The following KLHDC4 variants were observed in gnomAD, a reference collection of about 807,000 sequenced individuals.
KLHDC4 encodes the protein kelch domain containing 4, also known as kelch domain-containing protein 4.
In KLHDC4, 90 loss-of-function variants were observed where a neutral mutation model predicts 62.4. That is an observed-to-expected ratio of 1.44 (90% CI 1.22 to 1.72). The LOEUF (loss-of-function observed/expected upper bound fraction) is 1.72, where lower values mean the gene tolerates loss of function less well. KLHDC4 is among the 40% of genes most tolerant of loss of function. The probability of loss-of-function intolerance (pLI) is 0.00; values close to 1 mark genes in which losing one functional copy is unlikely to be tolerated. For missense variants in KLHDC4, 1,025 were observed against 699.7 expected (o/e 1.47, Z -5.25); for synonymous variants, 386 against 284.4 (o/e 1.36, Z -3.59).
At chr16:87,750,589 A>G (rs539247473) in intron 4 of KLHDC4, among the ~76,000 whole-genome samples, 19 of 152,334 alleles carry the variant, frequency 1.2e-4, no homozygotes, top group African/African-American at 4.1e-4. Context: ...CACAGGGCGC[A>G]GAGAGGGCTG....
intron 10 of KLHDC4, 122 bp from the exon 11 acceptor site, chr16:87,708,588 C>T (rs557227088): frequency 5.2e-4 from 285 of 552,936 alleles, no homozygotes; most frequent in Middle Eastern, 2.0e-3. Context: ...TAATGTGAAA[C>T]CTAACTCCTC....
At chr16:87,702,313 C>G (rs1175879437) in exon 1 of KLHDC4, 1 of 456,204 alleles carries the variant, frequency 2.2e-6, no homozygotes, top group East Asian at 6.9e-5. Context: ...CGGGGGCTCC[C>G]AGGCCCTGGG....
At chr16:87,733,919 C>T (rs920531357) in intron 5 of KLHDC4, among the ~76,000 whole-genome samples, 1 of 152,356 alleles carries the variant, frequency 6.6e-6, no homozygotes, top group Admixed American at 6.5e-5. Context: ...GTTACAGCTT[C>T]AATCACGCAA....
chr16:87,755,779 G>A (rs1014498623), intron 3 of KLHDC4: 7 of 165,636 alleles, frequency 4.2e-5, no homozygotes, highest in Non-Finnish European at 7.9e-5. Flanking sequence ...TGGCCAGACT[G>A]CTCTCAAACT....
intron 6 of KLHDC4, among the ~76,000 whole-genome samples, chr16:87,727,459 C>T (rs941769564): frequency 9.2e-5 from 14 of 152,244 alleles, no homozygotes; most frequent in African/African-American, 3.1e-4. Context: ...CCACAGTGGA[C>T]TGGAGGGGTG....
At chr16:87,729,689 G>C (rs555477097) in intron 6 of KLHDC4, among the ~76,000 whole-genome samples, 50 of 152,370 alleles carry the variant, frequency 3.3e-4, no homozygotes, top group African/African-American at 1.2e-3. Context: ...GACATCAAAA[G>C]AGAACCGCAG....
At chr16:87,704,238 T>C (rs565074250), downstream of KLHDC4, among the ~76,000 whole-genome samples, 5 of 147,324 alleles carry the variant, frequency 3.4e-5, no homozygotes, top group African/African-American at 1.3e-4. Flanking sequence ...GAGGCGCCTG[T>C]GGAGAGCCCT....
At chr16:87,702,364 C>T (rs1567629204) in exon 1 of KLHDC4, 1 of 440,454 alleles carries the variant, frequency 2.3e-6, no homozygotes, top group East Asian at 7.0e-5. Flanking sequence ...GGTGCAGGGG[C>T]AGGGGGGCGG....
rs115831363 is a variant in KLHDC4 at position 87,765,328 on chromosome 16, G to A, written c.99+464C>T. The A allele has an allele frequency of 2.0e-3, 901 of 456,836 alleles. 6 individuals are homozygous for A. The highest frequency in any genetic ancestry group is 0.017 in the African/African-American group (843 of 50,230). The allele number at this position is 456,836 out of a possible 1,614,324, so 28.3% of individuals were successfully genotyped here. ...GCTCACTGCTCAGGGCTGCTGTGATGATTATTTGCCCTCTTTTGAAAGAAA... is the reference window on the plus strand; with the variant it reads ...GCTCACTGCTCAGGGCTGCTGTGATAATTATTTGCCCTCTTTTGAAAGAAA... On this transcript the variant is annotated intron_variant, in intron 1 of 11. Coordinates refer to ENST00000270583, the MANE Select transcript of KLHDC4 (RefSeq NM_017566.4).
intron 8 of KLHDC4, 138 bp downstream of exon 8, chr16:87,714,360 A>G (rs2142965639): frequency 1.3e-6 from 1 of 766,772 alleles, no homozygotes. Context: ...CCCCGAAATG[A>G]GCCATCTCGG....
At chr16:87,736,806 A>AT in intron 5 of KLHDC4, among the ~76,000 whole-genome samples, 1 of 152,260 alleles carries the variant, frequency 6.6e-6, no homozygotes, top group South Asian at 2.1e-4. Context: ...CGTGGTGCAG[A>AT]TATTACCTTT....
chr16:87,732,032 A>G (rs1166274613), intron 5 of KLHDC4, among the ~76,000 whole-genome samples: 1 of 151,326 alleles, frequency 6.6e-6, no homozygotes, highest in Non-Finnish European at 1.5e-5. Context: ...GACCAACTAC[A>G]GCTCTCTGGG....
intron 1 of KLHDC4, 51 bp from the exon 2 acceptor site, chr16:87,762,091 G>A (rs368530022): frequency 4.1e-5 from 66 of 1,601,136 alleles, no homozygotes; most frequent in African/African-American, 1.2e-4. Context: ...GACCCGCCGC[G>A]GAGCCACAGC....
At chr16:87,711,010 A>T in intron 9 of KLHDC4, 1 of 540,958 alleles carries the variant, frequency 1.8e-6, no homozygotes, top group Non-Finnish European at 3.3e-6. Flanking sequence ...CTGGCTTCTG[A>T]GGTAGCAGCC....
At chr16:87,709,825 G>GCCCAGTGCCT in intron 9 of KLHDC4, 158 bp from the exon 10 acceptor site, 2 of 827,788 alleles carry the variant, frequency 2.4e-6, no homozygotes, top group Non-Finnish European at 3.7e-6. Context: ...CCTGGGTGCA[G>GCCCAGTGCCT]GCACTGGGCT....
exon 1 of KLHDC4, chr16:87,700,626 G>T (rs984096772): frequency 4.0e-5 from 9 of 222,488 alleles, no homozygotes; most frequent in Non-Finnish European, 1.8e-5. Flanking sequence ...AGGGTGGAGG[G>T]AGGAGGGAGA....
intron 7 of KLHDC4, among the ~76,000 whole-genome samples, 188 bp from the exon 8 acceptor site, chr16:87,714,761 A>AT (rs1488119723): frequency 6.6e-6 from 1 of 152,118 alleles, no homozygotes; most frequent in Non-Finnish European, 1.5e-5. Context: ...TATCCCCCAA[A>AT]TGGGTCCATC....
chr16:87,725,991 G>C (rs2039301419), intron 7 of KLHDC4, among the ~76,000 whole-genome samples: 1 of 152,132 alleles, frequency 6.6e-6, no homozygotes. Flanking sequence ...ACTGCTGACA[G>C]GGGTGTGGAG....
At chr16:87,762,262 A>G in intron 1 of KLHDC4, 1 of 849,498 alleles carries the variant, frequency 1.2e-6, no homozygotes, top group Non-Finnish European at 1.7e-6. Context: ...GTGTGCACCA[A>G]GTATTATCTC....
Sources: gnomAD v4.1 joint callset for allele counts (sites outside exome capture counted in the v4.1 genomes callset) on GRCh38, gnomAD v4.1.1 for gene constraint, MANE v1.5 for transcripts, NCBI Gene and HGNC (gene_info 2026-07-23, HGNC 2026-07-21) for gene names.